The following MAP2K1 variants were observed in gnomAD, a reference collection of about 807,000 sequenced individuals.
The protein encoded by MAP2K1 is mitogen-activated protein kinase kinase 1, also known as dual specificity mitogen-activated protein kinase kinase 1.
A neutral mutation model predicts 46.3 loss-of-function variants in MAP2K1; 16 were observed. The observed-to-expected ratio is 0.35, with a 90% CI of 0.23 to 0.52. The LOEUF (loss-of-function observed/expected upper bound fraction) is 0.52, where lower values mean the gene tolerates loss of function less well. Among genes scored for constraint, MAP2K1 ranks in the 20% least tolerant of loss-of-function variants. The pLI, the probability that MAP2K1 is intolerant of heterozygous loss-of-function variation, is 0.94. For synonymous variants in MAP2K1, 183 were observed against 185.6 expected, an observed-to-expected ratio of 0.99 and a Z score of 0.11; for missense variants, 263 against 497.1, an observed-to-expected ratio of 0.53 and a Z score of 4.48.
At position 66,420,753 on chromosome 15, in the gene MAP2K1, GTGTGTGTA is replaced by G. The variant is rs1431095219; in HGVS notation, c.81-14264_81-14257del. Among the ~76,000 whole-genome samples, 146 of 45,336 alleles carry G rather than the reference GTGTGTGTA, an allele frequency of 3.2e-3. 20 individuals carry two copies. The highest frequency in any genetic ancestry group is 7.9e-3 in the African/African-American group (127 of 16,094). The allele number at this position is 45,336 out of a possible 152,430, so 29.7% of individuals were successfully genotyped here. A position where few individuals can be genotyped will look rare whatever the true frequency, so the allele number is the denominator to read the frequency against. ...TGTGTGTGTGTGTGTGTGTGTGTGT[GTGTGTGTA>G]TGTGTGTATATATATGTGTATATAT... On this transcript the variant is annotated intron_variant, in intron 1 of 10. Transcript: ENST00000307102.
At chr15:66,462,809 A>G (rs575617939) in intron 5 of MAP2K1, among the ~76,000 whole-genome samples, 179 of 152,280 alleles carry the variant, frequency 1.2e-3, no homozygotes, top group South Asian at 3.7e-3. Context: ...GAGCCAGTGT[A>G]AACACAACAG....
At chr15:66,388,876 T>C (rs2093349674) in intron 1 of MAP2K1, among the ~76,000 whole-genome samples, 1 of 151,714 alleles carries the variant, frequency 6.6e-6, no homozygotes, top group Non-Finnish European at 1.5e-5. Flanking sequence ...GGTAGTTGGA[T>C]TGCATTATTG....
At chr15:66,476,473 A>C (rs1350356342) in intron 5 of MAP2K1, among the ~76,000 whole-genome samples, 1 of 152,190 alleles carries the variant, frequency 6.6e-6, no homozygotes, top group African/African-American at 2.4e-5. Context: ...GGCATCTAGG[A>C]GTAGAGGTGA....
At chr15:66,487,324 A>G (rs1309308440) in intron 8 of MAP2K1, 32 bp downstream of exon 8, 1 of 1,603,476 alleles carries the variant, frequency 6.2e-7, no homozygotes, top group Admixed American at 1.7e-5. Context: ...TCACCTTGGA[A>G]TTTACTTGCT....
chr15:66,480,841 G>A (rs999243817), intron 5 of MAP2K1, among the ~76,000 whole-genome samples: 8 of 152,120 alleles, frequency 5.3e-5, no homozygotes, highest in African/African-American at 1.9e-4. Context: ...CCTGCTCCAG[G>A]GGCCTTCACC....
chr15:66,468,659 G>A lies in MAP2K1; in HGVS notation c.569-13096G>A, dbSNP rs572300813. ...AAAAAAAATTTTTTTTTGGCTGGGC[G>A]CGGTGGCTCACACCTGTAATCCCAA... On this transcript the variant is annotated intron_variant, in intron 5 of 10. Transcript: ENST00000307102. 9.3e-4 allele frequency among the ~76,000 whole-genome samples: 142 copies of A among 152,172 alleles called. 2 individuals carry two copies. Among genetic ancestry groups the A allele is most frequent in the Middle Eastern group, 3.4e-3 (1 of 294 alleles).
intron 1 of MAP2K1, among the ~76,000 whole-genome samples, chr15:66,420,715 A>ATATATATATATATATATATATATG (rs1174431450): frequency 5.9e-5 from 2 of 33,990 alleles, no homozygotes; most frequent in Admixed American, 3.1e-4. Flanking sequence ...GCATATATAT[A>ATATATATATATATATATATATATG]TATATATGTG....
At chr15:66,409,987 A>G (rs1213217442) in intron 1 of MAP2K1, among the ~76,000 whole-genome samples, 1 of 152,210 alleles carries the variant, frequency 6.6e-6, no homozygotes, top group African/African-American at 2.4e-5. Context: ...TGTCCTTAAA[A>G]TGACAGAGGT....
At chr15:66,420,144 T>C (rs1479939866) in intron 1 of MAP2K1, among the ~76,000 whole-genome samples, 10 of 152,086 alleles carry the variant, frequency 6.6e-5, no homozygotes. Flanking sequence ...CTCGGGAGGC[T>C]GAGGAATGAG....
chr15:66,441,846 G>C (rs2140595130), intron 3 of MAP2K1, among the ~76,000 whole-genome samples: 1 of 152,034 alleles, frequency 6.6e-6, no homozygotes, highest in Non-Finnish European at 1.5e-5. Flanking sequence ...GGATACTTTA[G>C]AAAATTTGTT....
chr15:66,467,328 C>G (rs913446091), intron 5 of MAP2K1, among the ~76,000 whole-genome samples: 4 of 152,178 alleles, frequency 2.6e-5, no homozygotes, highest in African/African-American at 9.7e-5. Flanking sequence ...TTCTAATCTC[C>G]AAGCTGTCCT....
intron 1 of MAP2K1, among the ~76,000 whole-genome samples, chr15:66,404,397 A>C (rs1549854): frequency 0.44 from 67,269 of 151,962 alleles, 15,563 homozygotes; most frequent in Admixed American, 0.53. Context: ...ATATTGGGCT[A>C]AGCTCTTAAC....
At chr15:66,468,214 C>T (rs951093360) in intron 5 of MAP2K1, among the ~76,000 whole-genome samples, 4 of 152,092 alleles carry the variant, frequency 2.6e-5, no homozygotes, top group South Asian at 2.1e-4. Context: ...CACATAAATA[C>T]GTGGACATAT....
At chr15:66,452,935 A>T (rs1355684030) in intron 5 of MAP2K1, among the ~76,000 whole-genome samples, 1 of 152,228 alleles carries the variant, frequency 6.6e-6, no homozygotes, top group South Asian at 2.1e-4. Flanking sequence ...ATTGCTGTGT[A>T]TATATCTTCA....
chr15:66,412,137 A>C (rs1238096873), intron 1 of MAP2K1, among the ~76,000 whole-genome samples: 1 of 152,246 alleles, frequency 6.6e-6, no homozygotes, highest in African/African-American at 2.4e-5. Flanking sequence ...AGGTGAACTG[A>C]ATTTGGTGAG....
intron 1 of MAP2K1, among the ~76,000 whole-genome samples, chr15:66,429,963 C>A (rs1193879330): frequency 2.0e-5 from 3 of 152,130 alleles, no homozygotes; most frequent in Non-Finnish European, 4.4e-5. Flanking sequence ...ATTACTGTCA[C>A]ATTGACGGAC....
chr15:66,460,086 C>T (rs1204148805), intron 5 of MAP2K1, among the ~76,000 whole-genome samples: 2 of 152,328 alleles, frequency 1.3e-5, no homozygotes, highest in Non-Finnish European at 1.5e-5. Flanking sequence ...CTACATCTCT[C>T]TCCCATCACA....
At chr15:66,398,836 C>G (rs1250941847) in intron 1 of MAP2K1, among the ~76,000 whole-genome samples, 1 of 149,622 alleles carries the variant, frequency 6.7e-6, no homozygotes, top group Non-Finnish European at 1.5e-5. Flanking sequence ...TGCAGTGGTG[C>G]GATCTCGGCT....
chr15:66,388,425 A>T (rs896042059), intron 1 of MAP2K1, among the ~76,000 whole-genome samples: 1 of 152,076 alleles, frequency 6.6e-6, no homozygotes, highest in African/African-American at 2.4e-5. Context: ...TTGGGTTCTT[A>T]ATCTTTTACC....
Sources: gnomAD v4.1 joint callset for allele counts (sites outside exome capture counted in the v4.1 genomes callset) on GRCh38, gnomAD v4.1.1 for gene constraint, MANE v1.5 for transcripts, NCBI Gene and HGNC (gene_info 2026-07-23, HGNC 2026-07-21) for gene names.